AURKA: variants seen among roughly 807,000 people sequenced by gnomAD.
The protein encoded by AURKA is aurora 2.
A neutral mutation model predicts 40.9 loss-of-function variants in AURKA; 12 were observed. The observed-to-expected ratio is 0.29, with a 90% CI of 0.19 to 0.48. AURKA has a LOEUF of 0.48. AURKA is among the 20% of genes least tolerant of loss of function. The pLI is 0.99. For missense variants in AURKA, 322 were observed against 462.1 expected (o/e 0.70, Z 2.78); for synonymous variants, 170 against 164.3 (o/e 1.03, Z -0.26).
intron 3 of AURKA, among the ~76,000 whole-genome samples, chr20:56,385,988 G>A (rs1986308458): frequency 6.6e-6 from 1 of 152,282 alleles, no homozygotes; most frequent in Middle Eastern, 3.4e-3. Context: ...TCCAGACTCA[G>A]TAACAAGCAA....
chr20:56,369,865 C>T lies in AURKA; in HGVS notation c.*293G>A. 4.0e-6 allele frequency: 2 copies of T among 504,148 alleles called. No homozygotes were observed. Among genetic ancestry groups the T allele is most frequent in the Non-Finnish European group, 3.6e-6 (1 of 276,904 alleles). The allele number at this position is 504,148 out of a possible 1,614,324, so 31.2% of individuals were successfully genotyped here. A position where few individuals can be genotyped will look rare whatever the true frequency, so the allele number is the denominator to read the frequency against. ...GCTCTGGATTTGCCTCCTGTGAAGA[C>T]ACCATGCCTAGCACAGGCTGACGGG... On this transcript the variant is annotated 3_prime_UTR_variant, in exon 9 of 9. Transcript: ENST00000395915.
Position 56,369,949 on chromosome 20 carries a change from G to T in AURKA, c.*209C>A. The T allele has an allele frequency of 1.5e-6, 1 of 670,122 alleles. No homozygotes were observed. The highest frequency in any genetic ancestry group is 2.6e-6 in the Non-Finnish European group (1 of 378,400). The allele number at this position is 670,122 out of a possible 1,614,324, so 41.5% of individuals were successfully genotyped here. On this transcript the variant is annotated 3_prime_UTR_variant, in exon 9 of 9. Transcript: ENST00000395915. ...AACCAGTATAAGTAGCACAATTCTC[G>T]TGGCTACTTTCACTTCAGAGTGTCA...
intron 1 of AURKA, 98 bp downstream of exon 1, chr20:56,392,070 C>G (rs976451876): frequency 3.9e-5 from 6 of 152,266 alleles, no homozygotes; most frequent in African/African-American, 1.4e-4. Flanking sequence ...CGACAGGGGA[C>G]TTGACGCTCC....
In AURKA at chr20:56,377,731, G is replaced by A. The variant is rs1416462235; in HGVS notation, c.705+3702C>T. 3.3e-5 allele frequency among the ~76,000 whole-genome samples: 5 copies of A among 152,010 alleles called. No individual in the cohort carries two copies. In the South Asian group the frequency reaches 8.3e-4, roughly 25 times the overall value. ...GAACCCAAGAGGCGGAGGTTGCAGT[G>A]AGCCAAAATCGCACCACTACACTCT... On this transcript the variant is annotated intron_variant, in intron 6 of 8. Coordinates refer to ENST00000395915, the MANE Select transcript of AURKA (RefSeq NM_198437.3).
At chr20:56,370,999 T>C (rs539212991) in intron 7 of AURKA, among the ~76,000 whole-genome samples, 9 of 152,328 alleles carry the variant, frequency 5.9e-5, no homozygotes, top group Admixed American at 2.0e-4. Context: ...ATGTGGATAT[T>C]ACAGATATGC....
chr20:56,370,451 C>T (rs781698012), intron 8 of AURKA, 34 bp downstream of exon 8: 1 of 1,614,120 alleles, frequency 6.2e-7, no homozygotes, highest in South Asian at 1.1e-5. Context: ...AGAATTCCAG[C>T]AGATGTGCTG....
chr20:56,383,897 T>C (rs1986039441), intron 4 of AURKA, among the ~76,000 whole-genome samples: 1 of 152,236 alleles, frequency 6.6e-6, no homozygotes, highest in Non-Finnish European at 1.5e-5. Context: ...CAGTCATATA[T>C]GAGTATATAG....
chr20:56,369,508 A>C lies in AURKA; in HGVS notation c.*650T>G, dbSNP rs927321289. On this transcript the variant is annotated 3_prime_UTR_variant, in exon 9 of 9. Coordinates refer to ENST00000395915, the MANE Select transcript of AURKA (RefSeq NM_198437.3). ...ACATGGCCTCTTCTGTATCCCAAGCAAATCCCTAAATGGAGGTAGAGCACG... is the reference window on the plus strand; with the variant it reads ...ACATGGCCTCTTCTGTATCCCAAGCCAATCCCTAAATGGAGGTAGAGCACG... 8.3e-6 allele frequency: 2 copies of C among 241,912 alleles called. No individual in the cohort carries two copies. The highest frequency in any genetic ancestry group is 4.4e-5 in the African/African-American group (2 of 45,386). 15.0% of individuals were successfully genotyped at this position (241,912 alleles called of 1,614,324 possible).
intron 5 of AURKA, 22 bp downstream of exon 5, chr20:56,382,963 G>A (rs1985913341): frequency 1.9e-6 from 3 of 1,612,284 alleles, no homozygotes; most frequent in Non-Finnish European, 2.5e-6. Context: ...ACATTCTTTT[G>A]AACATGAACC....
In AURKA at chr20:56,370,164, CTGTT is replaced by C; in HGVS notation, c.1202_1205del (p.Lys401SerfsTer25). On this transcript the variant is annotated frameshift_variant, in exon 9 of 9. Coordinates refer to ENST00000395915, the MANE Select transcript of AURKA (RefSeq NM_198437.3). LOFTEE classifies it high-confidence loss of function. ...TTCTCCCCCTGCACGATTCCTAAGA[CTGTT>C]TGCTAGCTGATTCTTTGTTTTGGCA... The C allele has an allele frequency of 6.2e-7, 1 of 1,612,578 alleles. No individual in the cohort carries two copies. The highest frequency in any genetic ancestry group is 8.5e-7 in the Non-Finnish European group (1 of 1,179,992).
intron 1 of AURKA, among the ~76,000 whole-genome samples, chr20:56,389,510 C>A (rs1462076975): frequency 2.0e-5 from 3 of 152,176 alleles, no homozygotes; most frequent in Non-Finnish European, 4.4e-5. Context: ...TACTCCCTAG[C>A]CGAGTACATC....
At chr20:56,385,251 A>T (rs147443638) in intron 3 of AURKA, among the ~76,000 whole-genome samples, 153 of 152,282 alleles carry the variant, frequency 1.0e-3, no homozygotes, top group Non-Finnish European at 1.9e-3. Flanking sequence ...ACCTTCATGA[A>T]GTGGTTACGA....
chr20:56,380,855 T>C (rs542184207), intron 6 of AURKA, among the ~76,000 whole-genome samples: 2 of 152,370 alleles, frequency 1.3e-5, no homozygotes, highest in East Asian at 3.9e-4. Flanking sequence ...AGTTAATAGT[T>C]ATATATCAAT....
intron 3 of AURKA, among the ~76,000 whole-genome samples, chr20:56,385,760 C>A (rs781082084): frequency 7.2e-5 from 11 of 152,154 alleles, no homozygotes; most frequent in Non-Finnish European, 1.2e-4. Flanking sequence ...TGCGCCTGGC[C>A]TTCCACAGTA....
chr20:56,371,042 T>C (rs1185941500), intron 7 of AURKA, among the ~76,000 whole-genome samples: 2 of 152,178 alleles, frequency 1.3e-5, no homozygotes, highest in Non-Finnish European at 2.9e-5. Context: ...GCAATGACAA[T>C]ACACTAGAAA....
At chr20:56,391,036 C>T (rs749863104) in intron 1 of AURKA, among the ~76,000 whole-genome samples, 2 of 152,160 alleles carry the variant, frequency 1.3e-5, no homozygotes. Flanking sequence ...CTGGAGACAA[C>T]GCCAAGGAGA....
intron 1 of AURKA, among the ~76,000 whole-genome samples, chr20:56,391,509 G>A (rs949854008): frequency 1.3e-5 from 2 of 151,834 alleles, no homozygotes; most frequent in African/African-American, 4.8e-5. Flanking sequence ...TAGACACCTG[G>A]GTCCTACCCC....
intron 7 of AURKA, among the ~76,000 whole-genome samples, chr20:56,371,256 A>G (rs1022001674): frequency 2.6e-5 from 4 of 152,072 alleles, no homozygotes; most frequent in African/African-American, 9.7e-5. Flanking sequence ...AGGTCAGGAG[A>G]TCGAGACCAT....
At position 56,386,343 on chromosome 20, in the gene AURKA, T is replaced by G; in HGVS notation, c.233A>C (p.Gln78Pro). 1 of 1,614,226 alleles carries G rather than the reference T, an allele frequency of 6.2e-7. No homozygotes were observed. The change falls in exon 3 of 9, where the codon CAA becomes CCA. Residue 78 changes from glutamine (Q) to proline (P), a missense_variant. Gln to Pro is a moderately conservative substitution (Grantham distance 76, BLOSUM62 -1). Coordinates refer to ENST00000395915, the MANE Select transcript of AURKA (RefSeq NM_198437.3). ...HKPVQNQKQK[Q>P]LQATSVPHPV... ...ATGAGGTACACTGGTTGCCTGCAAT[T>G]GCTTCTGCTTCTGATTCTGAACCGG...
Sources: gnomAD v4.1 joint callset for allele counts (sites outside exome capture counted in the v4.1 genomes callset) on GRCh38, gnomAD v4.1.1 for gene constraint, MANE v1.5 for transcripts, NCBI Gene and HGNC (gene_info 2026-07-23, HGNC 2026-07-21) for gene names.